IKZF3: variants seen among roughly 807,000 people sequenced by gnomAD.
The protein encoded by IKZF3 is IKAROS family zinc finger 3.
A neutral mutation model predicts 49.0 loss-of-function variants in IKZF3; 10 were observed. The observed-to-expected ratio is 0.20, with a 90% CI of 0.13 to 0.35. The LOEUF (loss-of-function observed/expected upper bound fraction) is 0.35, where lower values mean the gene tolerates loss of function less well. Ranked by LOEUF, IKZF3 falls within the 10% of genes least tolerant of loss-of-function variation. The probability of loss-of-function intolerance (pLI) is 1.00; values close to 1 mark genes in which losing one functional copy is unlikely to be tolerated. For missense variants in IKZF3, 498 were observed against 664.8 expected (o/e 0.75, Z 2.76); for synonymous variants, 209 against 228.2 (o/e 0.92, Z 0.76).
intron 6 of IKZF3, 76 bp downstream of exon 6, chr17:39,788,182 G>A (rs540791007): frequency 6.0e-6 from 5 of 827,480 alleles, no homozygotes; most frequent in South Asian, 1.6e-5. Flanking sequence ...TAAACTCCAC[G>A]AGTCTTTTTA....
intron 1 of IKZF3, among the ~76,000 whole-genome samples, chr17:39,845,151 T>A (rs1296419659): frequency 6.6e-6 from 1 of 152,216 alleles, no homozygotes; most frequent in Non-Finnish European, 1.5e-5. Context: ...GGTTTTTACA[T>A]CTTTAAATGG....
At chr17:39,792,981 T>C in intron 3 of IKZF3, 48 bp from the exon 4 acceptor site, 3 of 1,584,860 alleles carry the variant, frequency 1.9e-6, no homozygotes, top group Non-Finnish European at 2.6e-6. Flanking sequence ...TACTTGAAGC[T>C]ATCAAAGCAG....
chr17:39,833,973 T>A (rs1355984984), intron 1 of IKZF3, among the ~76,000 whole-genome samples: 1 of 152,210 alleles, frequency 6.6e-6, no homozygotes, highest in East Asian at 1.9e-4. Context: ...CCTTCCAGGA[T>A]CCCACATTAC....
chr17:39,849,094 C>G (rs961712324), intron 1 of IKZF3, among the ~76,000 whole-genome samples: 3 of 152,094 alleles, frequency 2.0e-5, no homozygotes, highest in African/African-American at 7.2e-5. Context: ...GAAAAATAAA[C>G]AAGTTACAGA....
At chr17:39,829,650 T>C (rs1244070219) in intron 2 of IKZF3, among the ~76,000 whole-genome samples, 162 bp from the exon 3 acceptor site, 1 of 152,178 alleles carries the variant, frequency 6.6e-6, no homozygotes, top group African/African-American at 2.4e-5. Flanking sequence ...ATGAAAACTC[T>C]TGAGGTTTAG....
intron 3 of IKZF3, among the ~76,000 whole-genome samples, chr17:39,826,893 G>A (rs2061970952): frequency 6.6e-6 from 1 of 152,236 alleles, no homozygotes; most frequent in South Asian, 2.1e-4. Flanking sequence ...GTTACTATAG[G>A]TGACTATGGG....
intron 3 of IKZF3, among the ~76,000 whole-genome samples, chr17:39,819,564 G>A (rs2061754788): frequency 6.6e-6 from 1 of 152,204 alleles, no homozygotes; most frequent in African/African-American, 2.4e-5. Flanking sequence ...GCTCAGTACA[G>A]CTGGAATGTT....
intron 3 of IKZF3, among the ~76,000 whole-genome samples, chr17:39,803,387 G>T (rs2061364558): frequency 6.6e-6 from 1 of 152,116 alleles, no homozygotes; most frequent in East Asian, 1.9e-4. Flanking sequence ...AGAGGCTGAA[G>T]TTTTAGATGT....
intron 1 of IKZF3, among the ~76,000 whole-genome samples, chr17:39,836,507 C>T (rs114646158): frequency 9.9e-5 from 15 of 152,260 alleles, no homozygotes; most frequent in African/African-American, 3.4e-4. Context: ...CTGCAGTTCT[C>T]AAGTGTACTG....
chr17:39,815,099 C>T (rs893555684), intron 3 of IKZF3, among the ~76,000 whole-genome samples: 1 of 152,126 alleles, frequency 6.6e-6, no homozygotes, highest in Admixed American at 6.5e-5. Flanking sequence ...AACTTTTATT[C>T]CTCAGCTATT....
intron 3 of IKZF3, among the ~76,000 whole-genome samples, chr17:39,802,276 G>A (rs2061338799): frequency 6.7e-6 from 1 of 149,382 alleles, no homozygotes; most frequent in Non-Finnish European, 1.5e-5. Context: ...TCTCAATACA[G>A]GTTTGGATAA....
At chr17:39,858,964 T>C (rs1480122338) in intron 1 of IKZF3, among the ~76,000 whole-genome samples, 1 of 151,592 alleles carries the variant, frequency 6.6e-6, no homozygotes, top group African/African-American at 2.4e-5. Context: ...ACCAGGCCAA[T>C]TTACTTTTAT....
Position 39,760,098 on chromosome 17 carries a change from A to G in IKZF3, c.*5692T>C, listed in dbSNP as rs1210433340. ...TTAAAGTGAGGACTTAAACATTTCC[A>G]TTGTGGTCTTATCACCTGGGATTAT... On this transcript the variant is annotated 3_prime_UTR_variant, in exon 8 of 8. Transcript: ENST00000346872. 3 of 146,394 alleles carry G rather than the reference A, an allele frequency of 2.0e-5. No individual in the cohort carries two copies. Among genetic ancestry groups the G allele is most frequent in the Non-Finnish European group, 3.0e-5 (2 of 66,676 alleles). The allele number at this position is 146,394 out of a possible 1,614,324, so 9.1% of individuals were successfully genotyped here. A position where few individuals can be genotyped will look rare whatever the true frequency, so the allele number is the denominator to read the frequency against.
At chr17:39,768,242 TCAG>T (rs2060344305) in intron 7 of IKZF3, among the ~76,000 whole-genome samples, 1 of 152,154 alleles carries the variant, frequency 6.6e-6, no homozygotes, top group Non-Finnish European at 1.5e-5. Flanking sequence ...TGCAGAAACT[TCAG>T]AAGTACTTGG....
intron 1 of IKZF3, among the ~76,000 whole-genome samples, chr17:39,848,287 G>C (rs1404291034): frequency 6.6e-6 from 1 of 152,132 alleles, no homozygotes; most frequent in Admixed American, 6.6e-5. Context: ...GTGAACTGCT[G>C]ACAACTGTTG....
chr17:39,782,599 A>T (rs2060772313), intron 6 of IKZF3, among the ~76,000 whole-genome samples: 1 of 152,238 alleles, frequency 6.6e-6, no homozygotes, highest in African/African-American at 2.4e-5. Context: ...TAGACTTGTT[A>T]TCTTGCCACT....
In IKZF3 at chr17:39,837,264, G is replaced by A. The variant is rs1398293852; in HGVS notation, c.8-5113C>T. 9.2e-5 allele frequency among the ~76,000 whole-genome samples: 14 copies of A among 151,980 alleles called. No homozygotes were observed. In the East Asian group the frequency reaches 9.7e-4, roughly 10 times the overall value. On this transcript the variant is annotated intron_variant, in intron 1 of 7. Transcript: ENST00000346872. The stretch of plus-strand genomic sequence containing the variant: ...GCTTTTCATTTTTTCATAAAGATTT[G>A]AGTTCTGATCTGGTATCACGTCCCT...
intron 7 of IKZF3, among the ~76,000 whole-genome samples, chr17:39,772,795 C>T (rs1316988297): frequency 6.6e-6 from 1 of 152,084 alleles, no homozygotes; most frequent in East Asian, 1.9e-4. Context: ...AGAACAATTG[C>T]CCTTCTTCAA....
chr17:39,858,738 T>C (rs1041839543), intron 1 of IKZF3, among the ~76,000 whole-genome samples: 11 of 152,130 alleles, frequency 7.2e-5, no homozygotes, highest in African/African-American at 2.7e-4. Context: ...ATGGTATTGG[T>C]ATTTAATATA....
Sources: allele counts gnomAD v4.1 joint callset (sites outside exome capture counted in the v4.1 genomes callset), GRCh38; gene constraint gnomAD v4.1.1; transcripts MANE v1.5; gene names NCBI Gene and HGNC (gene_info 2026-07-23, HGNC 2026-07-21).